Variants in PTCD3 observed in about 807,000 individuals in gnomAD.
PTCD3 encodes small ribosomal subunit protein mS39.
Under a neutral mutation model 101.9 loss-of-function variants are expected in PTCD3, and 89 were observed. That is an observed-to-expected ratio of 0.87 (90% CI 0.74 to 1.04). The LOEUF (loss-of-function observed/expected upper bound fraction) is 1.04. Among genes scored for constraint, PTCD3 ranks in the 50% least tolerant of loss-of-function variants. The probability of loss-of-function intolerance (pLI) is 0.00; values close to 1 mark genes in which losing one functional copy is unlikely to be tolerated. For missense variants in PTCD3, 870 were observed against 828.2 expected (o/e 1.05, Z -0.62); for synonymous variants, 296 against 278.5 (o/e 1.06, Z -0.63).
chr2:86,129,349 A>G (rs1248812774), intron 14 of PTCD3, among the ~76,000 whole-genome samples: 12 of 152,190 alleles, frequency 7.9e-5, no homozygotes, highest in Admixed American at 5.9e-4. Flanking sequence ...TGTCTTATGT[A>G]TATAAATTTG....
In PTCD3 at chr2:86,134,289, A is replaced by C; in HGVS notation, c.1544-3A>C. The stretch of plus-strand genomic sequence containing the variant: ...TCACTCCTTGTTCCTTTCTTGTTTC[A>C]AGATAGTAAAGAATATGGTCATACT... On this transcript the variant is annotated splice_polypyrimidine_tract_variant and splice_region_variant and intron_variant, in intron 19 of 23. Transcript: ENST00000254630. 1 of 1,599,822 alleles carries C rather than the reference A, an allele frequency of 6.3e-7. No homozygotes were observed. The highest frequency in any genetic ancestry group is 1.1e-5 in the South Asian group (1 of 90,574).
chr2:86,123,714 A>T lies in PTCD3; in HGVS notation c.668A>T (p.Asp223Val). The T allele has an allele frequency of 6.3e-7, 1 of 1,595,212 alleles. No individual in the cohort carries two copies. Among genetic ancestry groups the T allele is most frequent in the African/African-American group, 1.4e-5 (1 of 74,010 alleles). ...GQSEALEEEN[D>V]ETSRRKAGHQ... ...TATTCATTTCAGGAAGAGGAAAATGATGAGACATCTAGGAGGAAAGCTGGT... is the reference window on the plus strand; with the variant it reads ...TATTCATTTCAGGAAGAGGAAAATGTTGAGACATCTAGGAGGAAAGCTGGT... Residue 223 changes from aspartate to valine, a missense_variant, in exon 9 of 24, where the codon GAT (aspartate) becomes GTT (valine). Transcript: ENST00000254630.
intron 19 of PTCD3, among the ~76,000 whole-genome samples, chr2:86,133,702 A>C (rs1358606738): frequency 6.6e-6 from 1 of 152,226 alleles, no homozygotes; most frequent in East Asian, 1.9e-4. Flanking sequence ...TGACCCAAAG[A>C]AAATAAATGC....
At chr2:86,127,906 ATT>A in intron 13 of PTCD3, 33 bp from the exon 14 acceptor site, 1 of 1,536,522 alleles carries the variant, frequency 6.5e-7, no homozygotes, top group Non-Finnish European at 9.0e-7. Flanking sequence ...TTTTTACCTC[ATT>A]GTTTATTTTT....
rs1013938689 is a variant in PTCD3, at chr2:86,138,356, A to G, written c.*797A>G. ...ACGACTACTTCTAGCAGCTCTTACC[A>G]CTATGACTTAAGTGGTCCTGGAAGG... On this transcript the variant is annotated 3_prime_UTR_variant, in exon 24 of 24. Transcript: ENST00000254630. 1.3e-5 allele frequency: 2 copies of G among 152,320 alleles called. No homozygotes were observed. The highest frequency in any genetic ancestry group is 4.8e-5 in the African/African-American group (2 of 41,556). 9.4% of individuals were successfully genotyped at this position (152,320 alleles called of 1,614,324 possible). A position where few individuals can be genotyped will look rare whatever the true frequency, so the allele number is the denominator to read the frequency against.
chr2:86,107,929 C>T lies in PTCD3; in HGVS notation c.105-421C>T, dbSNP rs574767665. On this transcript the variant is annotated intron_variant, in intron 1 of 23. Transcript: ENST00000254630. ...TCAAGTGCTATTAAAAACTTTCCTC[C>T]CTCTCTGCCATTTATGTAATGAGAT... Among the ~76,000 whole-genome samples, 85 of 152,190 alleles carry T rather than the reference C, an allele frequency of 5.6e-4. No homozygotes were observed. The South Asian group carries it at 0.017, about 30-fold the overall frequency.
chr2:86,115,003 T>C (rs1008645383), intron 4 of PTCD3, among the ~76,000 whole-genome samples: 9 of 152,160 alleles, frequency 5.9e-5, no homozygotes, highest in African/African-American at 2.2e-4. Flanking sequence ...AGGCTGGCCA[T>C]GTAGACCACC....
intron 12 of PTCD3, among the ~76,000 whole-genome samples, chr2:86,126,530 C>T (rs568198815): frequency 2.7e-4 from 41 of 152,200 alleles, no homozygotes; most frequent in Middle Eastern, 3.4e-3. Context: ...GATTGATTCT[C>T]GCCTAGTAAC....
At position 86,133,391 on chromosome 2, in the gene PTCD3, T is replaced by C; in HGVS notation, c.1498T>C (p.Leu500=). The C allele has an allele frequency of 6.2e-7, 1 of 1,614,202 alleles. No individual in the cohort carries two copies. The highest frequency in any genetic ancestry group is 8.5e-7 in the Non-Finnish European group (1 of 1,180,008). ...SQTMIHLLQA[L]DVANRLEVIP... The stretch of plus-strand genomic sequence containing the variant: ...AACAATGATACATCTTCTCCAAGCA[T>C]TGGATGTGGCCAATCGGCTAGAAGT... The change falls in exon 19 of 24, where the codon TTG becomes CTG. Residue 500 remains leucine (L), a synonymous_variant. Coordinates refer to ENST00000254630, the MANE Select transcript of PTCD3 (RefSeq NM_017952.6).
At chr2:86,113,216 A>G (rs1395938023) in intron 4 of PTCD3, among the ~76,000 whole-genome samples, 1 of 152,222 alleles carries the variant, frequency 6.6e-6, no homozygotes, top group African/African-American at 2.4e-5. Context: ...TGTTACTGCT[A>G]CTACTGTATT....
At position 86,107,428 on chromosome 2, in the gene PTCD3, C is replaced by T. The variant is rs1433412773; in HGVS notation, c.105-922C>T. On this transcript the variant is annotated intron_variant, in intron 1 of 23. Coordinates refer to ENST00000254630, the MANE Select transcript of PTCD3 (RefSeq NM_017952.6). ...AAATGATACCTGAAACCAGATACTA[C>T]TGGAGGAAGTATCTGTCTGTGCAAT... is the stretch of plus-strand genomic sequence containing the variant. 2.6e-5 allele frequency among the ~76,000 whole-genome samples: 4 copies of T among 152,160 alleles called. No homozygotes were observed. The East Asian group carries it at 7.7e-4, about 29-fold the overall frequency.
chr2:86,121,438 T>C, intron 7 of PTCD3, 41 bp from the exon 8 acceptor site: 1 of 1,306,762 alleles, frequency 7.7e-7, no homozygotes, highest in East Asian at 2.3e-5. Flanking sequence ...TAGTTCTTCA[T>C]TGTTTCAAGG....
rs1000299074 is a variant in PTCD3, at chr2:86,125,072, G to C, written c.794G>C (p.Gly265Ala). 5.0e-6 allele frequency: 8 copies of C among 1,613,802 alleles called. No homozygotes were observed. The highest frequency in any genetic ancestry group is 4.0e-5 in the African/African-American group (3 of 74,926). The change falls in exon 10 of 24, where the codon GGA (glycine) becomes GCA (alanine). Residue 265 changes from glycine (G) to alanine (A), a missense_variant. Physicochemically the swap from Gly to Ala is moderately conservative, Grantham distance 60 (BLOSUM62 0). Transcript: ENST00000254630. ...NEHSYCTMIR[G>A]MVKHRAYEQA... ...CATTCCTATTGCACAATGATCCGAG[G>C]AATGGTGAAGGTACATTTGTTTTAT...
In PTCD3 at chr2:86,136,082, A is replaced by G. The variant is rs753640129; in HGVS notation, c.1779-439A>G. 1.2e-4 allele frequency: 62 copies of G among 513,122 alleles called. 1 individual carries two copies. Among genetic ancestry groups the G allele is most frequent in the South Asian group, 8.1e-4 (57 of 70,298 alleles). The allele number at this position is 513,122 out of a possible 1,614,324, so 31.8% of individuals were successfully genotyped here. Reference sequence around the variant, plus strand: ...AGAGGGAAACAGCAGGTTCTGTTCTATGCCTCTTTTCCAGCTGTGCACAGG... The same window carrying G: ...AGAGGGAAACAGCAGGTTCTGTTCTGTGCCTCTTTTCCAGCTGTGCACAGG... On this transcript the variant is annotated intron_variant, in intron 21 of 23. Transcript: ENST00000254630.
At position 86,111,302 on chromosome 2, in the gene PTCD3, G is replaced by A. The variant is rs1674080070; in HGVS notation, c.240+144G>A. On this transcript the variant is annotated intron_variant, in intron 4 of 23. Transcript: ENST00000254630. ...GCGTCTAGAAAGTTTCTTTAAAATTGTCTAGGCCGGGCGCGGTGGCTCACG... is the reference window on the plus strand; with the variant it reads ...GCGTCTAGAAAGTTTCTTTAAAATTATCTAGGCCGGGCGCGGTGGCTCACG... 5 of 850,658 alleles carry A rather than the reference G, an allele frequency of 5.9e-6. No homozygotes were observed. In the Admixed American group the frequency reaches 7.6e-5, roughly 13 times the overall value. 52.7% of individuals were successfully genotyped at this position (850,658 alleles called of 1,614,324 possible). A position where few individuals can be genotyped will look rare whatever the true frequency, so the allele number is the denominator to read the frequency against.
intron 14 of PTCD3, among the ~76,000 whole-genome samples, chr2:86,129,791 C>G (rs1674463188): frequency 6.6e-6 from 1 of 152,142 alleles, no homozygotes; most frequent in Non-Finnish European, 1.5e-5. Context: ...GAAACTCTAT[C>G]TGTACTGTCA....
intron 9 of PTCD3, among the ~76,000 whole-genome samples, chr2:86,124,727 G>A (rs1358924136): frequency 6.6e-6 from 1 of 152,170 alleles, no homozygotes; most frequent in African/African-American, 2.4e-5. Flanking sequence ...TAATAGCACA[G>A]ATATTTATAT....
chr2:86,128,589 T>C (rs1674440375), intron 14 of PTCD3, among the ~76,000 whole-genome samples: 1 of 152,194 alleles, frequency 6.6e-6, no homozygotes, highest in African/African-American at 2.4e-5. Context: ...ATTCAGAACA[T>C]TTCCATCTTT....
At chr2:86,135,086 C>A in intron 21 of PTCD3, 99 bp downstream of exon 21, 1 of 1,343,396 alleles carries the variant, frequency 7.4e-7, no homozygotes, top group Non-Finnish European at 1.0e-6. Flanking sequence ...GGCCACATAA[C>A]ACGTATTTGA....
Sources: gnomAD v4.1 joint callset for allele counts (sites outside exome capture counted in the v4.1 genomes callset) on GRCh38, gnomAD v4.1.1 for gene constraint, MANE v1.5 for transcripts, NCBI Gene and HGNC (gene_info 2026-07-23, HGNC 2026-07-21) for gene names.